Variants in DENND1A observed in about 807,000 individuals in gnomAD.
The protein encoded by DENND1A is DENN domain-containing protein 1A.
Under a neutral mutation model 113.7 loss-of-function variants are expected in DENND1A, and 51 were observed. That is an observed-to-expected ratio of 0.45 (90% confidence interval 0.36 to 0.57). The LOEUF is 0.57. Ranked by LOEUF, DENND1A falls within the 20% of genes least tolerant of loss-of-function variation. DENND1A has a pLI of 0.00. For synonymous variants in DENND1A, 565 were observed against 570.8 expected, an observed-to-expected ratio of 0.99 and a Z score of 0.14; for missense variants, 1,258 against 1,395.9, an observed-to-expected ratio of 0.90 and a Z score of 1.57.
In DENND1A at chr9:123,847,005, TTTTG is replaced by T. The variant is rs749188137; in HGVS notation, c.88+31942_88+31945del. On this transcript the variant is annotated intron_variant, in intron 2 of 23. Transcript: ENST00000394215. ...AAATTAAACACTAAATCAATGGGTT[TTTTG>T]TTTGTTTTCATTTTTGTAGAGACAG... Among the ~76,000 whole-genome samples, 420 of 152,288 alleles carry T rather than the reference TTTTG, an allele frequency of 2.8e-3. 8 individuals are homozygous for T. The highest frequency in any genetic ancestry group is 4.7e-3 in the Non-Finnish European group (320 of 68,016).
chr9:123,382,167 G>C lies in DENND1A; in HGVS notation c.2478C>G (p.Leu826=), dbSNP rs752231947. Residue 826 remains leucine, a synonymous_variant, in exon 24 of 24, where the codon CTC becomes CTG. Transcript: ENST00000394215. ...GVVPQGPTEL[L]QPLSPGPGAA... ...CCCCGGGGCCAGGGCTGAGCGGCTG[G>C]AGCAGTTCAGTGGGGCCTTGGGGGA... The C allele has an allele frequency of 6.2e-7, 1 of 1,608,650 alleles. No individual in the cohort carries two copies. The highest frequency in any genetic ancestry group is 8.5e-7 in the Non-Finnish European group (1 of 1,178,920).
rs565508328 is a variant in DENND1A at position 123,636,274 on chromosome 9, G to A, written c.619-5798C>T. Reference sequence around the variant, plus strand: ...GACCCCAGGTGACCAGGAACACGACGGCTATGGATTTGAGCTGTTCAAGGA... The same window carrying A: ...GACCCCAGGTGACCAGGAACACGACAGCTATGGATTTGAGCTGTTCAAGGA... On this transcript the variant is annotated intron_variant, in intron 9 of 23. Coordinates refer to ENST00000394215, the MANE Select transcript of DENND1A (RefSeq NM_001352964.2). 1.4e-3 allele frequency among the ~76,000 whole-genome samples: 215 copies of A among 152,116 alleles called. 1 individual carries two copies. Among genetic ancestry groups the A allele is most frequent in the Middle Eastern group, 3.4e-3 (1 of 294 alleles).
intron 2 of DENND1A, among the ~76,000 whole-genome samples, chr9:123,802,400 C>T (rs1834825628): frequency 6.6e-6 from 1 of 152,210 alleles, no homozygotes; most frequent in South Asian, 2.1e-4. Flanking sequence ...CCAACACCAC[C>T]ACCACCATTC....
chr9:123,901,500 G>T (rs1851613385), intron 1 of DENND1A, among the ~76,000 whole-genome samples: 1 of 152,074 alleles, frequency 6.6e-6, no homozygotes, highest in Non-Finnish European at 1.5e-5. Context: ...AGGTCTAAAT[G>T]TCACCTGCCC....
intron 19 of DENND1A, chr9:123,413,908 C>A (rs993526886): frequency 3.0e-6 from 3 of 985,612 alleles, no homozygotes; most frequent in Non-Finnish European, 3.6e-6. Flanking sequence ...TCCACCGGTG[C>A]ACAGGCTGCT....
At chr9:123,491,355 A>G (rs975619198) in intron 13 of DENND1A, among the ~76,000 whole-genome samples, 2 of 152,340 alleles carry the variant, frequency 1.3e-5, no homozygotes, top group Non-Finnish European at 2.9e-5. Flanking sequence ...TGCCTAGCCA[A>G]CAAACCAGAA....
At chr9:123,924,848 C>T (rs774420955) in intron 1 of DENND1A, among the ~76,000 whole-genome samples, 2 of 152,118 alleles carry the variant, frequency 1.3e-5, no homozygotes, top group Non-Finnish European at 2.9e-5. Flanking sequence ...GCCTTCTGTC[C>T]GTTCCTGAAA....
At chr9:123,897,461 G>A (rs1850936053) in intron 1 of DENND1A, among the ~76,000 whole-genome samples, 3 of 152,178 alleles carry the variant, frequency 2.0e-5, no homozygotes, top group African/African-American at 7.2e-5. Flanking sequence ...GGCCTTAAGA[G>A]GATAGGGCAA....
intron 2 of DENND1A, among the ~76,000 whole-genome samples, chr9:123,802,861 C>A (rs1834922561): frequency 6.6e-6 from 1 of 152,188 alleles, no homozygotes; most frequent in Non-Finnish European, 1.5e-5. Flanking sequence ...CACCACCACA[C>A]CCAGCTAATT....
At chr9:123,706,765 C>T (rs1401977061) in intron 5 of DENND1A, among the ~76,000 whole-genome samples, 4 of 93,658 alleles carry the variant, frequency 4.3e-5, no homozygotes, top group East Asian at 2.8e-4. Flanking sequence ...AGCGAGACTC[C>T]GTCTCAAAAA....
chr9:123,834,671 A>G (rs1840786603), intron 2 of DENND1A, among the ~76,000 whole-genome samples: 1 of 152,220 alleles, frequency 6.6e-6, no homozygotes, highest in Admixed American at 6.5e-5. Flanking sequence ...AACAGAGCTT[A>G]GGTTTTCTCC....
At chr9:123,577,420 T>A (rs2058688679) in intron 12 of DENND1A, among the ~76,000 whole-genome samples, 2 of 152,222 alleles carry the variant, frequency 1.3e-5, no homozygotes, top group African/African-American at 4.8e-5. Context: ...TACTTTAAAG[T>A]CTTTATCTGC....
intron 19 of DENND1A, among the ~76,000 whole-genome samples, chr9:123,414,756 G>A (rs193232047): frequency 2.0e-5 from 3 of 152,138 alleles, no homozygotes; most frequent in Non-Finnish European, 4.4e-5. Flanking sequence ...GCTGTCTGAA[G>A]TGTTCAAAGC....
Position 123,447,903 on chromosome 9 carries a change from C to T in DENND1A, c.1356+2790G>A, listed in dbSNP as rs770759042. On this transcript the variant is annotated intron_variant, in intron 18 of 23. Coordinates refer to ENST00000394215, the MANE Select transcript of DENND1A (RefSeq NM_001352964.2). ...TGGAGAGTGCTGGAGCCCCAAGTCC[C>T]GTAGATGCGAACAATGCTAGAGTTT... is the stretch of plus-strand genomic sequence containing the variant. Among the ~76,000 whole-genome samples the T allele has an allele frequency of 3.9e-5, 6 of 152,132 alleles. No individual in the cohort carries two copies. In the South Asian group the frequency reaches 6.2e-4, roughly 16 times the overall value.
At chr9:123,632,757 A>G (rs2061532752) in intron 9 of DENND1A, among the ~76,000 whole-genome samples, 1 of 151,712 alleles carries the variant, frequency 6.6e-6, no homozygotes, top group African/African-American at 2.4e-5. Flanking sequence ...AGAGTCATGT[A>G]CTCCTTTTCC....
chr9:123,915,490 G>A (rs941777532), intron 1 of DENND1A, among the ~76,000 whole-genome samples: 10 of 152,082 alleles, frequency 6.6e-5, no homozygotes, highest in Non-Finnish European at 1.3e-4. Context: ...CTTACAAAGT[G>A]TGAAATCAAA....
intron 2 of DENND1A, among the ~76,000 whole-genome samples, chr9:123,858,338 T>A (rs541164265): frequency 3.9e-5 from 6 of 152,316 alleles, no homozygotes; most frequent in African/African-American, 1.4e-4. Context: ...GAAGAAAAAA[T>A]TATTTGCAGT....
intron 19 of DENND1A, 99 bp downstream of exon 19, chr9:123,440,261 G>A: frequency 1.5e-6 from 2 of 1,351,478 alleles, no homozygotes; most frequent in Admixed American, 2.8e-5. Context: ...CTGCCAAAGA[G>A]AACTGAAATG....
chr9:123,621,212 G>T (rs371685022), intron 10 of DENND1A, among the ~76,000 whole-genome samples: 41 of 149,568 alleles, frequency 2.7e-4, no homozygotes, highest in African/African-American at 7.1e-4. Context: ...CCAAGACAGG[G>T]TCTTGCTCTA....
Sources: gnomAD v4.1 joint callset for allele counts (sites outside exome capture counted in the v4.1 genomes callset) on GRCh38, gnomAD v4.1.1 for gene constraint, MANE v1.5 for transcripts, NCBI Gene and HGNC (gene_info 2026-07-23, HGNC 2026-07-21) for gene names.